RMDN2: variants seen among roughly 807,000 people sequenced by gnomAD.
RMDN2 encodes the protein regulator of microtubule dynamics protein 2.
In RMDN2, 61 loss-of-function variants were observed where a neutral mutation model predicts 52.8. The ratio of observed to expected loss-of-function variants is 1.16; its 90% confidence interval spans 0.94 to 1.43. RMDN2 has a LOEUF of 1.43. Among genes scored for constraint, RMDN2 ranks in the 40% most tolerant of loss-of-function variants. RMDN2 has a pLI of 0.00. For missense variants in RMDN2, 592 were observed against 475.3 expected, an observed-to-expected ratio of 1.25 and a Z score of -2.28; for synonymous variants, 180 against 153.1, an observed-to-expected ratio of 1.18 and a Z score of -1.30.
intron 5 of RMDN2, among the ~76,000 whole-genome samples, chr2:37,982,145 C>T (rs966740156): frequency 1.3e-5 from 2 of 152,152 alleles, no homozygotes; most frequent in Admixed American, 6.5e-5. Flanking sequence ...TAGGGGCACT[C>T]TTAGGCAAAA....
chr2:38,005,654 C>T (rs1184745074), intron 10 of RMDN2, among the ~76,000 whole-genome samples: 2 of 152,130 alleles, frequency 1.3e-5, no homozygotes, highest in Admixed American at 1.3e-4. Context: ...CTGTAGGTTG[C>T]CGGTTCACTC....
chr2:38,022,321 A>C (rs1409355163), downstream of RMDN2, among the ~76,000 whole-genome samples: 4 of 152,214 alleles, frequency 2.6e-5, no homozygotes, highest in Admixed American at 2.0e-4. Flanking sequence ...TTTCACACAA[A>C]GTGAGCCATG....
Position 38,015,808 on chromosome 2 carries a change from G to C in RMDN2, c.1180-1378G>C, listed in dbSNP as rs191992494. On this transcript the variant is annotated intron_variant, in intron 10 of 10. Coordinates refer to ENST00000354545, the MANE Select transcript of RMDN2 (RefSeq NM_001170791.3). ...ACATGTCAATACTGAGATTCGTAAG[G>C]GTGAACTCTGTTCCTCCACAGCAGA... Among the ~76,000 whole-genome samples, 71 of 152,316 alleles carry C rather than the reference G, an allele frequency of 4.7e-4. 1 individual carries two copies. In the East Asian group the frequency reaches 0.013, roughly 28 times the overall value.
At position 37,970,812 on chromosome 2, in the gene RMDN2, A is replaced by T. The variant is rs554227844; in HGVS notation, c.453-3228A>T. Among the ~76,000 whole-genome samples, 179 of 152,256 alleles carry T rather than the reference A, an allele frequency of 1.2e-3. 2 individuals carry two copies. The highest frequency in any genetic ancestry group is 0.011 in the Admixed American group (162 of 15,296). Reference sequence around the variant, plus strand: ...AGCTTTATACCTTTATAAAAGCTGTATATTATTTGTTACCATAAAGCTCCA... The same window carrying T: ...AGCTTTATACCTTTATAAAAGCTGTTTATTATTTGTTACCATAAAGCTCCA... On this transcript the variant is annotated intron_variant, in intron 2 of 10. Transcript: ENST00000354545.
chr2:38,051,763 G>A (rs1681615395), intron 10 of RMDN2, among the ~76,000 whole-genome samples: 1 of 152,108 alleles, frequency 6.6e-6, no homozygotes, highest in Admixed American at 6.6e-5. Flanking sequence ...ACATATGAAT[G>A]AAGACATGAG....
At chr2:37,935,886 A>G (rs1011120596) in intron 2 of RMDN2, among the ~76,000 whole-genome samples, 1 of 152,098 alleles carries the variant, frequency 6.6e-6, no homozygotes, top group Non-Finnish European at 1.5e-5. Context: ...TGTTTAGGTT[A>G]TCATGTTTTT....
chr2:38,021,842 T>C (rs1210355514), downstream of RMDN2, among the ~76,000 whole-genome samples: 1 of 152,204 alleles, frequency 6.6e-6, no homozygotes, highest in Non-Finnish European at 1.5e-5. Flanking sequence ...CCACAGTTCA[T>C]GTCATGCTGT....
At chr2:38,026,334 T>C (rs1025599791) in intron 10 of RMDN2, among the ~76,000 whole-genome samples, 2 of 152,268 alleles carry the variant, frequency 1.3e-5, no homozygotes, top group South Asian at 2.1e-4. Flanking sequence ...GTAATTTGTG[T>C]TTTCCCTATT....
At chr2:37,997,104 C>T (rs1054454189) in intron 7 of RMDN2, among the ~76,000 whole-genome samples, 2 of 152,076 alleles carry the variant, frequency 1.3e-5, no homozygotes, top group African/African-American at 4.8e-5. Flanking sequence ...TATTTCCCAC[C>T]CCACCCCTTT....
At chr2:37,939,834 C>A (rs1431230916) in intron 2 of RMDN2, among the ~76,000 whole-genome samples, 1 of 152,126 alleles carries the variant, frequency 6.6e-6, no homozygotes. Flanking sequence ...GGTCTTGACT[C>A]TTTATCCAAT....
chr2:37,923,639 G>A (rs373189937), upstream of RMDN2, among the ~76,000 whole-genome samples: 1 of 152,162 alleles, frequency 6.6e-6, no homozygotes, highest in South Asian at 2.1e-4. Flanking sequence ...TTGCAAGATT[G>A]CTGCAAACCA....
intron 10 of RMDN2, among the ~76,000 whole-genome samples, chr2:38,048,698 C>A (rs1349666662): frequency 6.6e-6 from 1 of 152,124 alleles, no homozygotes. Context: ...GGGATCCTTC[C>A]CAGTGAAATC....
intron 10 of RMDN2, among the ~76,000 whole-genome samples, chr2:38,051,207 C>T (rs1055936311): frequency 3.9e-5 from 6 of 152,124 alleles, no homozygotes; most frequent in African/African-American, 1.4e-4. Flanking sequence ...GTCTGCCAAC[C>T]CTTTCTTCGG....
chr2:38,055,553 C>A (rs1337306755), intron 10 of RMDN2, among the ~76,000 whole-genome samples: 1 of 152,078 alleles, frequency 6.6e-6, no homozygotes, highest in Non-Finnish European at 1.5e-5. Context: ...CTTGATGACC[C>A]CATCAAGGAC....
chr2:38,059,544 T>C (rs1158072341), intron 10 of RMDN2, among the ~76,000 whole-genome samples: 2 of 152,188 alleles, frequency 1.3e-5, no homozygotes, highest in Admixed American at 1.3e-4. Flanking sequence ...TTTTATGTTA[T>C]ATTAACAGGA....
chr2:38,047,351 A>G (rs1681333623), intron 10 of RMDN2, among the ~76,000 whole-genome samples: 2 of 152,264 alleles, frequency 1.3e-5, no homozygotes, highest in Admixed American at 1.3e-4. Context: ...ATAATGACCA[A>G]ACAGTAGAAA....
chr2:37,995,914 T>C (rs1675470065), intron 7 of RMDN2, among the ~76,000 whole-genome samples: 1 of 152,216 alleles, frequency 6.6e-6, no homozygotes, highest in Admixed American at 6.5e-5. Flanking sequence ...CAGTATGAGG[T>C]GTTTCAAGGA....
At chr2:37,941,188 C>T (rs552436301) in intron 2 of RMDN2, among the ~76,000 whole-genome samples, 2 of 152,330 alleles carry the variant, frequency 1.3e-5, no homozygotes, top group South Asian at 4.1e-4. Context: ...TGGGAGTCCA[C>T]TGTAGACCCT....
intron 10 of RMDN2, among the ~76,000 whole-genome samples, chr2:38,066,659 A>G (rs972223164): frequency 2.6e-5 from 4 of 152,244 alleles, no homozygotes; most frequent in African/African-American, 9.6e-5. Flanking sequence ...CCAAAGCTGC[A>G]TTCATTTCCC....
Sources: gnomAD v4.1 joint callset for allele counts (sites outside exome capture counted in the v4.1 genomes callset) on GRCh38, gnomAD v4.1.1 for gene constraint, MANE v1.5 for transcripts, NCBI Gene and HGNC (gene_info 2026-07-23, HGNC 2026-07-21) for gene names.